The following HMCN2 variants were observed in gnomAD, a reference collection of about 807,000 sequenced individuals.
HMCN2 encodes hemicentin-2.
HMCN2 carries 325 observed loss-of-function variants against 377.5 expected under a neutral mutation model. The observed-to-expected ratio is 0.86, with a 90% CI of 0.79 to 0.94. The LOEUF is 0.94. Among genes scored for constraint, HMCN2 ranks in the 40% least tolerant of loss-of-function variants. HMCN2 has a pLI of 0.00. For synonymous variants in HMCN2, 2,007 were observed against 2,046.8 expected (o/e 0.98, Z 0.53); for missense variants, 4,543 against 4,725.3 (o/e 0.96, Z 1.13).
At chr9:130,281,889 C>CAAAAA (rs782176109) in intron 1 of HMCN2, among the ~76,000 whole-genome samples, 1 of 58,908 alleles carries the variant, frequency 1.7e-5, no homozygotes, top group Non-Finnish European at 3.4e-5. Flanking sequence ...GACTCCATCT[C>CAAAAA]AAAAAAAAAA....
chr9:130,417,521 C>CAAAAAA (rs397893236), intron 85 of HMCN2, among the ~76,000 whole-genome samples: 1 of 47,352 alleles, frequency 2.1e-5, no homozygotes, highest in African/African-American at 1.1e-4. Context: ...GACTCCGTCT[C>CAAAAAA]AAAAAAAAAA....
At chr9:130,389,789 G>A (rs1247826627) in intron 62 of HMCN2, among the ~76,000 whole-genome samples, 2 of 152,108 alleles carry the variant, frequency 1.3e-5, no homozygotes, top group Non-Finnish European at 1.5e-5. Context: ...TGGTCAGGCT[G>A]GTCTTGAACT....
intron 15 of HMCN2, among the ~76,000 whole-genome samples, chr9:130,316,573 C>T (rs1837572504): frequency 1.3e-5 from 2 of 152,220 alleles, no homozygotes; most frequent in South Asian, 2.1e-4. Context: ...TCCCCACAAA[C>T]AGGCAGCTGC....
intron 85 of HMCN2, among the ~76,000 whole-genome samples, 163 bp downstream of exon 85, chr9:130,410,815 G>A (rs1843368809): frequency 1.3e-5 from 2 of 152,108 alleles, no homozygotes; most frequent in South Asian, 2.1e-4. Context: ...CCCAAATGTG[G>A]GGTGACTGAG....
chr9:130,374,819 C>A, intron 49 of HMCN2, 126 bp downstream of exon 49: 11 of 304,266 alleles, frequency 3.6e-5, no homozygotes, highest in Non-Finnish European at 5.3e-5. Context: ...CCGAGTTTGA[C>A]AACAAAAATC....
chr9:130,326,900 A>G (rs896591373), intron 21 of HMCN2, among the ~76,000 whole-genome samples: 20,193 of 152,138 alleles, frequency 0.13, 1,858 homozygotes, highest in East Asian at 0.52. Flanking sequence ...GGGTCTGTGC[A>G]TTCTTTGGTG....
chr9:130,354,717 T>C, intron 31 of HMCN2, 46 bp from the exon 32 acceptor site: 1 of 1,254,928 alleles, frequency 8.0e-7, no homozygotes, highest in South Asian at 1.4e-5. Context: ...GAGAGCAGGC[T>C]AGCGTCCAGC....
rs75174751 is a variant in HMCN2 at position 130,364,704 on chromosome 9, C to T, written c.6233-10C>T. Reference sequence around the variant, plus strand: ...GCCTGAGGGAGCCCTTCTCCTGCCCCCTCCTGCAGTGCCCCCGAGTATCCT... The same window carrying T: ...GCCTGAGGGAGCCCTTCTCCTGCCCTCTCCTGCAGTGCCCCCGAGTATCCT... On this transcript the variant is annotated splice_polypyrimidine_tract_variant and intron_variant, in intron 40 of 97. Transcript: ENST00000683500. The T allele has an allele frequency of 0.025, 25,128 of 985,954 alleles. 492 individuals carry two copies. Among genetic ancestry groups the T allele is most frequent in the Middle Eastern group, 0.091 (174 of 1,920 alleles). 61.1% of individuals were successfully genotyped at this position (985,954 alleles called of 1,614,324 possible). A position where few individuals can be genotyped will look rare whatever the true frequency, so the allele number is the denominator to read the frequency against.
chr9:130,356,926 A>G (rs1840054035), intron 34 of HMCN2, among the ~76,000 whole-genome samples: 1 of 151,614 alleles, frequency 6.6e-6, no homozygotes, highest in African/African-American at 2.4e-5. Flanking sequence ...GGGTGGATGA[A>G]TGGGTTGGTG....
chr9:130,400,793 C>A lies in HMCN2; in HGVS notation c.11616C>A (p.Thr3872=). ...TGTCTTGGGTTTTAGTGCCTCCCAC[C>A]ATTGCCGATGACCAGACAGACTTCA... ...LYQVTVHVPP[T]IADDQTDFTV... The change falls in exon 77 of 98, where the codon ACC becomes ACA. Residue 3872 remains threonine, a synonymous_variant. Transcript: ENST00000683500. 1 of 1,286,644 alleles carries A rather than the reference C, an allele frequency of 7.8e-7. No homozygotes were observed. The highest frequency in any genetic ancestry group is 1.2e-5 in the South Asian group (1 of 80,376). 79.7% of individuals were successfully genotyped at this position (1,286,644 alleles called of 1,614,324 possible).
chr9:130,396,365 G>A (rs1842610424), intron 73 of HMCN2, 52 bp downstream of exon 73: 2 of 1,230,092 alleles, frequency 1.6e-6, no homozygotes. Flanking sequence ...GCCACTTTGT[G>A]GGTTGCAAAT....
intron 36 of HMCN2, among the ~76,000 whole-genome samples, chr9:130,358,921 G>A (rs1240124235): frequency 6.6e-6 from 1 of 152,200 alleles, no homozygotes; most frequent in Non-Finnish European, 1.5e-5. Context: ...TGATCCGCCC[G>A]CCTCGGCCTC....
Position 130,303,144 on chromosome 9 carries a change from C to CT in HMCN2, c.1421+143_1421+144insT, listed in dbSNP as rs1836612833. 1 of 305,232 alleles carries CT rather than the reference C, an allele frequency of 3.3e-6. No individual in the cohort carries two copies. The highest frequency in any genetic ancestry group is 2.2e-5 in the African/African-American group (1 of 45,738). The allele number at this position is 305,232 out of a possible 1,614,324, so 18.9% of individuals were successfully genotyped here. ...TCCTGGGCAGCCCAGCCTGGGACTT[C>CT]CAGTGCAGCCAGGGATGGAGAGGAG... is the stretch of plus-strand genomic sequence containing the variant. On this transcript the variant is annotated intron_variant, in intron 9 of 97. Transcript: ENST00000683500. This position sits in a 1 kb window ranked among gnomAD's most constrained non-coding sequence, Gnocchi z 5.2.
At position 130,407,561 on chromosome 9, in the gene HMCN2, T is replaced by A. The variant is rs1843164439; in HGVS notation, c.12554-10T>A. On this transcript the variant is annotated splice_polypyrimidine_tract_variant and intron_variant, in intron 82 of 97. Coordinates refer to ENST00000683500, the MANE Select transcript of HMCN2 (RefSeq NM_001291815.2). The stretch of plus-strand genomic sequence containing the variant: ...GTTCCCTGCACCCGACTTCTCTTTC[T>A]CCACCACAGAAGGGGTGTCTGAGCA... 1 of 1,289,062 alleles carries A rather than the reference T, an allele frequency of 7.8e-7. No homozygotes were observed. Among genetic ancestry groups the A allele is most frequent in the Non-Finnish European group, 1.0e-6 (1 of 988,548 alleles). The allele number at this position is 1,289,062 out of a possible 1,614,324, so 79.9% of individuals were successfully genotyped here.
Position 130,425,112 on chromosome 9 carries a change from C to T in HMCN2, c.13623C>T (p.Asp4541=), listed in dbSNP as rs568584525. 171 of 1,549,208 alleles carry T rather than the reference C, an allele frequency of 1.1e-4. No homozygotes were observed. Among genetic ancestry groups the T allele is most frequent in the African/African-American group, 5.6e-4 (41 of 73,096 alleles). The change falls in exon 89 of 98, where the codon GAC becomes GAT. Residue 4541 remains aspartate, a synonymous_variant. Coordinates refer to ENST00000683500, the MANE Select transcript of HMCN2 (RefSeq NM_001291815.2). ...GCGTTGTCCCCGAGAGCCTGGCTGA[C>T]GCAGATCTTCAAGTGCAGGTCGGGG... The part of the protein sequence containing the change: ...VNGVVPESLA[D]ADLQVQDFEE...
At chr9:130,272,455 G>T (rs1473962713) in intron 1 of HMCN2, among the ~76,000 whole-genome samples, 1 of 124,924 alleles carries the variant, frequency 8.0e-6, no homozygotes, top group African/African-American at 2.5e-5. Flanking sequence ...TGGCCAGGCT[G>T]GTCTTGAACT....
chr9:130,386,147 C>T (rs1323875979), intron 60 of HMCN2, among the ~76,000 whole-genome samples: 1 of 152,170 alleles, frequency 6.6e-6, no homozygotes, highest in Non-Finnish European at 1.5e-5. Flanking sequence ...CTGTCCCCCT[C>T]GAAATCCATT....
At position 130,306,170 on chromosome 9, in the gene HMCN2, T is replaced by C. The variant is rs960056539; in HGVS notation, c.1858T>C (p.Ser620Pro). The change falls in exon 12 of 98, where the codon TCC becomes CCC. Residue 620 changes from serine to proline, a missense_variant. Physicochemically the swap from Ser to Pro is moderately conservative, Grantham distance 74. Coordinates refer to ENST00000683500, the MANE Select transcript of HMCN2 (RefSeq NM_001291815.2). Reference protein sequence around the residue: ...VSIHTSSQHFSQGVEVKVSCS... With the variant: ...VSIHTSSQHFPQGVEVKVSCS... ...CATCCACACCAGCTCCCAGCACTTC[T>C]CCCAAGGTGTGGAGGTGAAGGTCAG... 34 of 471,064 alleles carry C rather than the reference T, an allele frequency of 7.2e-5. No individual in the cohort carries two copies. The highest frequency in any genetic ancestry group is 5.8e-4 in the African/African-American group (29 of 50,144). 29.2% of individuals were successfully genotyped at this position (471,064 alleles called of 1,614,324 possible).
chr9:130,276,079 G>T (rs1554923029), intron 1 of HMCN2, among the ~76,000 whole-genome samples: 1 of 142,302 alleles, frequency 7.0e-6, no homozygotes, highest in Admixed American at 7.8e-5. Context: ...AGGTGAGGAA[G>T]CCATGGGTCT....
Sources: allele counts gnomAD v4.1 joint callset (sites outside exome capture counted in the v4.1 genomes callset), GRCh38; gene constraint gnomAD v4.1.1; non-coding constraint Gnocchi (gnomAD v3.1); transcripts MANE v1.5; gene names NCBI Gene and HGNC (gene_info 2026-07-23, HGNC 2026-07-21).